Variants in GALNT13 observed in about 807,000 individuals in gnomAD.
GALNT13 encodes UDP-GalNAc:polypeptide N-acetylgalactosaminyltransferase 13.
Under a neutral mutation model 64.2 loss-of-function variants are expected in GALNT13, and 28 were observed. The observed-to-expected ratio is 0.44, with a 90% CI of 0.32 to 0.60. The LOEUF is 0.60. GALNT13 is among the 20% of genes least tolerant of loss of function. The probability of loss-of-function intolerance (pLI) is 0.05; values close to 1 mark genes in which losing one functional copy is unlikely to be tolerated. For synonymous variants in GALNT13, 214 were observed against 224.6 expected, an observed-to-expected ratio of 0.95 and a Z score of 0.42; for missense variants, 577 against 669.8, an observed-to-expected ratio of 0.86 and a Z score of 1.53.
intron 2 of GALNT13, among the ~76,000 whole-genome samples, chr2:153,943,270 C>T (rs962653220): frequency 6.6e-6 from 1 of 151,970 alleles, no homozygotes; most frequent in Non-Finnish European, 1.5e-5. Flanking sequence ...TAAATTCTTG[C>T]TCTGATTATT....
At chr2:154,190,966 C>T (rs912079730) in intron 4 of GALNT13, among the ~76,000 whole-genome samples, 2 of 152,124 alleles carry the variant, frequency 1.3e-5, no homozygotes, top group African/African-American at 4.8e-5. Flanking sequence ...ACTTAATGGA[C>T]ATCTCAATTT....
intron 4 of GALNT13, among the ~76,000 whole-genome samples, chr2:154,227,094 T>C (rs914243435): frequency 7.2e-5 from 11 of 152,208 alleles, no homozygotes; most frequent in African/African-American, 2.6e-4. Context: ...ATATCATCTC[T>C]CGTAGTCAGG....
chr2:154,063,619 T>C (rs1700306403), intron 3 of GALNT13, among the ~76,000 whole-genome samples: 1 of 152,172 alleles, frequency 6.6e-6, no homozygotes, highest in Non-Finnish European at 1.5e-5. Flanking sequence ...GGCCCCATCA[T>C]TATTATCCAA....
the GALNT13 span, among the ~76,000 whole-genome samples, chr2:153,372,804 T>C: frequency 6.6e-6 from 1 of 152,222 alleles, no homozygotes. Context: ...TGGGTTTTGC[T>C]TAACAAGTTA....
At chr2:153,163,770 A>G in the GALNT13 span, among the ~76,000 whole-genome samples, 1 of 152,210 alleles carries the variant, frequency 6.6e-6, no homozygotes, top group African/African-American at 2.4e-5. Context: ...CTGTAATCCC[A>G]GCACTTTGGG....
intron 11 of GALNT13, among the ~76,000 whole-genome samples, chr2:154,413,090 C>CAA (rs1007895860): frequency 6.6e-6 from 1 of 151,882 alleles, no homozygotes; most frequent in African/African-American, 2.4e-5. Flanking sequence ...GAAGCACTTC[C>CAA]ATGTCCCGTA....
intron 9 of GALNT13, among the ~76,000 whole-genome samples, chr2:154,344,191 A>C (rs1000346206): frequency 6.6e-6 from 1 of 152,076 alleles, no homozygotes; most frequent in Non-Finnish European, 1.5e-5. Context: ...GACTGTTTGC[A>C]AATTGCATAA....
chr2:153,273,177 A>T, the GALNT13 span, among the ~76,000 whole-genome samples: 1 of 152,212 alleles, frequency 6.6e-6, no homozygotes, highest in Non-Finnish European at 1.5e-5. Flanking sequence ...TACCTAATGT[A>T]GATGATGGGT....
At chr2:153,547,520 G>C in the GALNT13 span, among the ~76,000 whole-genome samples, 1 of 152,164 alleles carries the variant, frequency 6.6e-6, no homozygotes, top group Non-Finnish European at 1.5e-5. Flanking sequence ...CACAGGTAGA[G>C]TCTTAATATA....
At chr2:154,036,225 A>G (rs1345560017) in intron 3 of GALNT13, among the ~76,000 whole-genome samples, 1 of 152,126 alleles carries the variant, frequency 6.6e-6, no homozygotes, top group African/African-American at 2.4e-5. Context: ...ATAAAGTGAG[A>G]GTATTTCAAA....
At chr2:153,317,515 C>T in the GALNT13 span, among the ~76,000 whole-genome samples, 1 of 151,930 alleles carries the variant, frequency 6.6e-6, no homozygotes, top group Non-Finnish European at 1.5e-5. Flanking sequence ...TAAATGAATG[C>T]TGACATTCTG....
chr2:154,092,077 A>G (rs1427828413), intron 3 of GALNT13, among the ~76,000 whole-genome samples: 1 of 51,644 alleles, frequency 1.9e-5, no homozygotes, highest in South Asian at 6.8e-4. Context: ...CATGTCTGGA[A>G]AAAAAAAAAA....
chr2:154,352,438 T>C (rs1574140631), intron 9 of GALNT13, among the ~76,000 whole-genome samples: 1 of 152,338 alleles, frequency 6.6e-6, no homozygotes, highest in African/African-American at 2.4e-5. Context: ...GAATGCTTGC[T>C]AATATTGTTA....
intron 4 of GALNT13, among the ~76,000 whole-genome samples, chr2:154,149,935 A>G (rs1683878378): frequency 6.6e-6 from 1 of 152,030 alleles, no homozygotes; most frequent in Non-Finnish European, 1.5e-5. Context: ...CTCCTGCCTG[A>G]TTTCCCTGGC....
chr2:154,051,579 C>T (rs547628539), intron 3 of GALNT13, among the ~76,000 whole-genome samples: 11 of 152,146 alleles, frequency 7.2e-5, no homozygotes, highest in African/African-American at 2.4e-4. Context: ...CGTGAGCCAC[C>T]GCGCCCGGCC....
intron 11 of GALNT13, among the ~76,000 whole-genome samples, chr2:154,419,866 C>CA (rs1390027679): frequency 1.3e-5 from 2 of 152,054 alleles, no homozygotes; most frequent in African/African-American, 4.8e-5. Context: ...TATGTCAGTG[C>CA]AAATAGTAGG....
intron 9 of GALNT13, among the ~76,000 whole-genome samples, chr2:154,307,508 C>T (rs530203209): frequency 2.6e-5 from 4 of 152,072 alleles, no homozygotes; most frequent in Non-Finnish European, 5.9e-5. Context: ...GCTCATTAGC[C>T]GTTTGGTAAT....
At chr2:153,344,506 T>C in the GALNT13 span, among the ~76,000 whole-genome samples, 8 of 152,206 alleles carry the variant, frequency 5.3e-5, no homozygotes, top group Non-Finnish European at 2.9e-5. Context: ...GTTGTTGTTT[T>C]TTTGAGACGG....
the GALNT13 span, among the ~76,000 whole-genome samples, chr2:153,470,288 T>C: frequency 3.3e-5 from 5 of 152,102 alleles, no homozygotes; most frequent in African/African-American, 1.2e-4. Flanking sequence ...TCACAGGAGC[T>C]ACAGAAGATT....
Sources: allele counts gnomAD v4.1 joint callset (sites outside exome capture counted in the v4.1 genomes callset), GRCh38; gene constraint gnomAD v4.1.1; transcripts MANE v1.5; gene names NCBI Gene and HGNC (gene_info 2026-07-23, HGNC 2026-07-21).